Variants in SHISA5 observed in about 807,000 individuals in gnomAD.
The protein encoded by SHISA5 is shisa family member 5, also known as protein shisa-5.
SHISA5 carries 21 observed loss-of-function variants against 27.5 expected under a neutral mutation model. That is an observed-to-expected ratio of 0.76 (90% confidence interval 0.54 to 1.10). SHISA5 has a LOEUF of 1.10. Among genes scored for constraint, SHISA5 ranks in the 50% least tolerant of loss-of-function variants. The pLI is 0.00. For missense variants in SHISA5, 314 were observed against 336.3 expected, an observed-to-expected ratio of 0.93 and a Z score of 0.52; for synonymous variants, 137 against 142.2, an observed-to-expected ratio of 0.96 and a Z score of 0.26.
At chr3:48,480,378 T>C (rs1019514317) in intron 2 of SHISA5, among the ~76,000 whole-genome samples, 12 of 151,384 alleles carry the variant, frequency 7.9e-5, no homozygotes, top group Non-Finnish European at 1.3e-4. Flanking sequence ...GGGGAGAAGA[T>C]ATCATGATCA....
In SHISA5 at chr3:48,469,769, C is replaced by G. The variant is rs1265477144; in HGVS notation, c.389G>C (p.Cys130Ser). The part of the protein sequence containing the change: ...SVVTIIICFT[C>S]SCCCLYKTCR... ...CGTCTTGTAAAGGCAGCAGCAGGAG[C>G]AGGTGAAGCAGATGATGATAGTGAC... The change falls in exon 4 of 6, where the codon TGC becomes TCC. Residue 130 changes from cysteine to serine, a missense_variant. Physicochemically the swap from Cys to Ser is moderately radical, Grantham distance 112. Transcript: ENST00000296444. The surrounding 1 kb of genome is among the most constrained non-coding windows in gnomAD (Gnocchi z 4.6). 6.2e-7 allele frequency: 1 copy of G among 1,614,082 alleles called. No homozygotes were observed. The highest frequency in any genetic ancestry group is 2.2e-5 in the East Asian group (1 of 44,882).
intron 3 of SHISA5, chr3:48,472,935 G>A (rs566905678): frequency 2.1e-6 from 3 of 1,400,618 alleles, no homozygotes; most frequent in East Asian, 2.5e-5. Flanking sequence ...GCGACCGCAA[G>A]GCCGTTATCA....
rs199983750 is a variant in SHISA5 at position 48,471,578 on chromosome 3, A to AAACT, written c.315-1736_315-1735insAGTT. Reference sequence around the variant, plus strand: ...TCAAAAAAAAAAAAAAAAAAAAAAAAGTCAGCCTTACATTTTGTACTGGAT... The same window carrying AAACT: ...TCAAAAAAAAAAAAAAAAAAAAAAAAAACTGTCAGCCTTACATTTTGTACTGGAT... On this transcript the variant is annotated intron_variant, in intron 3 of 5. Coordinates refer to ENST00000296444, the MANE Select transcript of SHISA5 (RefSeq NM_016479.6). Among the ~76,000 whole-genome samples, 1,077 of 113,548 alleles carry AAACT rather than the reference A, an allele frequency of 9.5e-3. 123 individuals carry two copies. The highest frequency in any genetic ancestry group is 0.018 in the African/African-American group (516 of 28,062). 74.5% of individuals were successfully genotyped at this position (113,548 alleles called of 152,430 possible). A position where few individuals can be genotyped will look rare whatever the true frequency, so the allele number is the denominator to read the frequency against.
chr3:48,478,280 C>T (rs919811190), intron 3 of SHISA5, among the ~76,000 whole-genome samples: 1 of 152,168 alleles, frequency 6.6e-6, no homozygotes, highest in Non-Finnish European at 1.5e-5. Flanking sequence ...GCACAGGAGC[C>T]CTGCCCTGAT....
At chr3:48,485,040 A>G (rs1268987579) in intron 2 of SHISA5, among the ~76,000 whole-genome samples, 1 of 151,318 alleles carries the variant, frequency 6.6e-6, no homozygotes, top group Non-Finnish European at 1.5e-5. Context: ...AAAAAATACA[A>G]AAGTTGGCTG....
intron 2 of SHISA5, among the ~76,000 whole-genome samples, chr3:48,481,317 G>GT (rs923145247): frequency 6.6e-6 from 1 of 151,870 alleles, no homozygotes; most frequent in Non-Finnish European, 1.5e-5. Context: ...GCAGGCGCCT[G>GT]TAATCCCAGC....
At chr3:48,489,075 C>T (rs1560130520) in intron 2 of SHISA5, among the ~76,000 whole-genome samples, 1 of 152,084 alleles carries the variant, frequency 6.6e-6, no homozygotes, top group East Asian at 1.9e-4. Flanking sequence ...ATCTAAGATC[C>T]TACAGGACTG....
intron 2 of SHISA5, among the ~76,000 whole-genome samples, chr3:48,495,739 T>G (rs1326225002): frequency 2.0e-4 from 30 of 147,514 alleles, no homozygotes; most frequent in Non-Finnish European, 4.4e-5. Context: ...GCCAGCCTGA[T>G]CTCGAACTCC....
intron 3 of SHISA5, 114 bp downstream of exon 3, chr3:48,479,063 T>C: frequency 1.1e-6 from 1 of 921,634 alleles, no homozygotes; most frequent in Non-Finnish European, 1.7e-6. Flanking sequence ...GACAGTTTCT[T>C]GGGCTCCACC....
chr3:48,504,215 G>A, upstream of SHISA5: 1 of 410,878 alleles, frequency 2.4e-6, no homozygotes, highest in Admixed American at 4.6e-5. The surrounding 1 kb of genome is among the most constrained non-coding windows in gnomAD (Gnocchi z 4.0). Flanking sequence ...GCTGGTTCCC[G>A]GAACCTCTGT....
intron 2 of SHISA5, among the ~76,000 whole-genome samples, chr3:48,490,134 C>T (rs140734353): frequency 8.1e-4 from 124 of 152,198 alleles, no homozygotes; most frequent in African/African-American, 2.7e-3. Context: ...AGTGCAATGG[C>T]GCAATCTCGG....
At chr3:48,475,956 G>A (rs1182093901) in intron 3 of SHISA5, among the ~76,000 whole-genome samples, 3 of 152,202 alleles carry the variant, frequency 2.0e-5, no homozygotes, top group Non-Finnish European at 4.4e-5. Context: ...CCTGCCATGG[G>A]TGGCATCCTC....
At chr3:48,478,754 C>A (rs890369019) in intron 3 of SHISA5, among the ~76,000 whole-genome samples, 4 of 152,118 alleles carry the variant, frequency 2.6e-5, no homozygotes, top group Non-Finnish European at 4.4e-5. Context: ...CATGTGCTTG[C>A]CAGCACCACC....
At chr3:48,477,992 T>G (rs971713001) in intron 3 of SHISA5, among the ~76,000 whole-genome samples, 1 of 152,224 alleles carries the variant, frequency 6.6e-6, no homozygotes, top group African/African-American at 2.4e-5. Flanking sequence ...CAGTGTGGTC[T>G]TCCTAAAACT....
chr3:48,484,468 T>G (rs1259974795), intron 2 of SHISA5, among the ~76,000 whole-genome samples: 2 of 151,962 alleles, frequency 1.3e-5, no homozygotes, highest in African/African-American at 4.8e-5. Flanking sequence ...TGGTGGCACC[T>G]GCCTGTAATT....
At chr3:48,494,845 A>G (rs1280213365) in intron 2 of SHISA5, among the ~76,000 whole-genome samples, 1 of 147,330 alleles carries the variant, frequency 6.8e-6, no homozygotes, top group Non-Finnish European at 1.5e-5. Flanking sequence ...GGACCCTCCT[A>G]CTTTTTTCCA....
At chr3:48,493,493 T>G (rs1285198541) in intron 2 of SHISA5, among the ~76,000 whole-genome samples, 2 of 135,580 alleles carry the variant, frequency 1.5e-5, no homozygotes, top group Non-Finnish European at 3.1e-5. Flanking sequence ...AATAAATAAA[T>G]AAATTCCTTA....
intron 2 of SHISA5, among the ~76,000 whole-genome samples, chr3:48,486,270 G>T (rs1272972140): frequency 4.2e-3 from 1 of 236 alleles, no homozygotes; most frequent in Non-Finnish European, 8.3e-3. Flanking sequence ...AATACATTAT[G>T]TTATATAACA....
At chr3:48,482,705 G>C (rs563993131) in intron 2 of SHISA5, among the ~76,000 whole-genome samples, 2 of 149,912 alleles carry the variant, frequency 1.3e-5, no homozygotes, top group African/African-American at 4.9e-5. Flanking sequence ...GTGCAATCTC[G>C]GCTCACTGCA....
Sources: allele counts gnomAD v4.1 joint callset (sites outside exome capture counted in the v4.1 genomes callset), GRCh38; gene constraint gnomAD v4.1.1; non-coding constraint Gnocchi (gnomAD v3.1); transcripts MANE v1.5; gene names NCBI Gene and HGNC (gene_info 2026-07-23, HGNC 2026-07-21).